Variants in ARID3A observed in about 807,000 individuals in gnomAD.
The protein encoded by ARID3A is AT-rich interactive domain-containing protein 3A.
ARID3A carries 11 observed loss-of-function variants against 52.7 expected under a neutral mutation model. That is an observed-to-expected ratio of 0.21 (90% CI 0.13 to 0.35). ARID3A has a LOEUF of 0.35. Among genes scored for constraint, ARID3A ranks in the 10% least tolerant of loss-of-function variants. The pLI, the probability that ARID3A is intolerant of heterozygous loss-of-function variation, is 1.00. For synonymous variants in ARID3A, 404 were observed against 359.4 expected, an observed-to-expected ratio of 1.12 and a Z score of -1.40; for missense variants, 721 against 838.5, an observed-to-expected ratio of 0.86 and a Z score of 1.73.
chr19:927,321 G>A lies in ARID3A; in HGVS notation c.-268+1262G>A, dbSNP rs530534115. The stretch of plus-strand genomic sequence containing the variant: ...CGAGGACAAAGGGCTCTTGGGGGGA[G>A]GGGTCTGAAGGGGGTGGGCGTAGCT... On this transcript the variant is annotated intron_variant, in intron 1 of 8. Transcript: ENST00000263620. Among the ~76,000 whole-genome samples, 623 of 148,902 alleles carry A rather than the reference G, an allele frequency of 4.2e-3. 3 individuals are homozygous for A. Among genetic ancestry groups the A allele is most frequent in the African/African-American group, 0.015 (594 of 40,204 alleles).
chr19:927,622 G>T (rs918034273), intron 1 of ARID3A, among the ~76,000 whole-genome samples: 2 of 151,594 alleles, frequency 1.3e-5, no homozygotes, highest in Non-Finnish European at 2.9e-5. Context: ...AGTTGTCCCA[G>T]GTGGGGGAGG....
At chr19:931,178 C>T (rs1000678922) in intron 2 of ARID3A, among the ~76,000 whole-genome samples, 1 of 152,072 alleles carries the variant, frequency 6.6e-6, no homozygotes, top group African/African-American at 2.4e-5. Context: ...TCTGTGGTCC[C>T]AGCTACTCGA....
At position 954,316 on chromosome 19, in the gene ARID3A, CGAT is replaced by C. The variant is rs375511259; in HGVS notation, c.694-5774_694-5772del. Among the ~76,000 whole-genome samples, 103 of 152,310 alleles carry C rather than the reference CGAT, an allele frequency of 6.8e-4. No individual in the cohort carries two copies. In the East Asian group the frequency reaches 0.01, roughly 15 times the overall value. Reference sequence around the variant, plus strand: ...AGCAGGTGGTGCTGGGAAGGGGAGACGATGGGCCCAGCCTTGGTAATTAGGGGT... The same window carrying C: ...AGCAGGTGGTGCTGGGAAGGGGAGACGGGCCCAGCCTTGGTAATTAGGGGT... On this transcript the variant is annotated intron_variant, in intron 3 of 8. Transcript: ENST00000263620.
At chr19:932,838 G>A (rs563681425) in intron 3 of ARID3A, 96 bp downstream of exon 3, 11 of 1,500,514 alleles carry the variant, frequency 7.3e-6, no homozygotes, top group East Asian at 5.2e-5. Flanking sequence ...GTGCTGAGCC[G>A]GGCGTCGAGT....
rs1010712432 is a variant in ARID3A at position 972,236 on chromosome 19, TATATATATATAC to T, written c.*173_*184del. ...AAAAGAAAAAAGATATATATATATA[TATATATATATAC>T]ACGTATATATATAAAGAGAATTTAA... On this transcript the variant is annotated 3_prime_UTR_variant, in exon 9 of 9. Coordinates refer to ENST00000263620, the MANE Select transcript of ARID3A (RefSeq NM_005224.3). The T allele has an allele frequency of 5.6e-5, 12 of 214,332 alleles. No homozygotes were observed. The highest frequency in any genetic ancestry group is 1.6e-3 in the Middle Eastern group (1 of 622). 13.3% of individuals were successfully genotyped at this position (214,332 alleles called of 1,614,324 possible). A position where few individuals can be genotyped will look rare whatever the true frequency, so the allele number is the denominator to read the frequency against.
At position 929,686 on chromosome 19, in the gene ARID3A, G is replaced by C; in HGVS notation, c.158G>C (p.Arg53Pro). Residue 53 changes from arginine to proline, a missense_variant, in exon 2 of 9, where the codon CGG (arginine) becomes CCG (proline). This residue lies in a region of ARID3A where 349 missense variants were observed against 297.3 expected (regional missense o/e 1.17). Transcript: ENST00000263620. This position sits in a 1 kb window ranked among gnomAD's most constrained non-coding sequence, Gnocchi z 6.2. ...PDEDREPESA[R>P]MQRAQMAALA... ...GAGGACAGAGAGCCCGAGAGTGCCC[G>C]GATGCAGCGGGCTCAGATGGCCGCA... 1.3e-6 allele frequency: 2 copies of C among 1,560,512 alleles called. No homozygotes were observed. Among genetic ancestry groups the C allele is most frequent in the Non-Finnish European group, 1.7e-6 (2 of 1,161,570 alleles).
At chr19:928,747 T>C (rs1242981714) in intron 1 of ARID3A, 2 of 152,086 alleles carry the variant, frequency 1.3e-5, no homozygotes, top group Non-Finnish European at 2.9e-5. Context: ...GAACCTGAGG[T>C]CCAGAGAAGT....
At position 932,638 on chromosome 19, in the gene ARID3A, C is replaced by A; in HGVS notation, c.589C>A (p.Arg197=). Residue 197 remains arginine, a synonymous_variant, in exon 3 of 9, where the codon CGG becomes AGG. Coordinates refer to ENST00000263620, the MANE Select transcript of ARID3A (RefSeq NM_005224.3). ...TCCCAGGGTGCTGGGGGGCCAGGAG[C>A]GGCCGGGGCCTGGCCCTGCCCACCC... ...GVPRVLGGQE[R]PGPGPAHPGG... 6.5e-7 allele frequency: 1 copy of A among 1,536,280 alleles called. No homozygotes were observed.
intron 3 of ARID3A, among the ~76,000 whole-genome samples, chr19:955,375 C>T (rs948914305): frequency 2.0e-5 from 3 of 152,212 alleles, no homozygotes; most frequent in Non-Finnish European, 4.4e-5. Flanking sequence ...CCTCCCCCGC[C>T]AGCAGCTGGG....
intron 3 of ARID3A, among the ~76,000 whole-genome samples, chr19:933,002 G>A (rs554603586): frequency 6.6e-5 from 10 of 152,278 alleles, no homozygotes; most frequent in East Asian, 5.8e-4. Context: ...CCCCCATATC[G>A]GAGGTGATGG....
chr19:945,955 G>A (rs2037670173), intron 3 of ARID3A, among the ~76,000 whole-genome samples: 1 of 152,200 alleles, frequency 6.6e-6, no homozygotes, highest in Non-Finnish European at 1.5e-5. Context: ...CGTCTGCAGG[G>A]AACCCCAGGA....
At chr19:930,275 G>C (rs1190229302) in intron 2 of ARID3A, among the ~76,000 whole-genome samples, 1 of 151,838 alleles carries the variant, frequency 6.6e-6, no homozygotes, top group African/African-American at 2.4e-5. Flanking sequence ...TTTTTAGCCG[G>C]GTGCTGTGGC....
intron 3 of ARID3A, among the ~76,000 whole-genome samples, chr19:956,940 C>A (rs2037930856): frequency 6.6e-6 from 1 of 152,200 alleles, no homozygotes; most frequent in Non-Finnish European, 1.5e-5. Context: ...CCAGCTGAGG[C>A]CTAATTGGTG....
chr19:974,167 CCT>C lies in ARID3A; in HGVS notation c.*2103_*2104del, dbSNP rs1032586810. ...GAGGGGGCTGGGGGGCTTCTGAGCC[CCT>C]GAGTCTAGGTTCACTTTCCCGTCGG... On this transcript the variant is annotated 3_prime_UTR_variant, in exon 9 of 9. Coordinates refer to ENST00000263620, the MANE Select transcript of ARID3A (RefSeq NM_005224.3). The C allele has an allele frequency of 4.5e-6, 1 of 223,878 alleles. No individual in the cohort carries two copies. Among genetic ancestry groups the C allele is most frequent in the Non-Finnish European group, 8.9e-6 (1 of 112,188 alleles). The allele number at this position is 223,878 out of a possible 1,614,324, so 13.9% of individuals were successfully genotyped here.
chr19:959,667 A>C lies in ARID3A; in HGVS notation c.694-425A>C, dbSNP rs1189129394. ...GTGGCTGTAAGGGAGTTAAGGATCGATTTGAGATGAGGTGGCCCTAAAACC... is the reference window on the plus strand; with the variant it reads ...GTGGCTGTAAGGGAGTTAAGGATCGCTTTGAGATGAGGTGGCCCTAAAACC... On this transcript the variant is annotated intron_variant, in intron 3 of 8. Transcript: ENST00000263620. The surrounding 1 kb of genome is among the most constrained non-coding windows in gnomAD (Gnocchi z 5.0). 6.6e-6 allele frequency among the ~76,000 whole-genome samples: 1 copy of C among 152,024 alleles called. No homozygotes were observed. Among genetic ancestry groups the C allele is most frequent in the Non-Finnish European group, 1.5e-5 (1 of 67,990 alleles).
chr19:964,574 T>C lies in ARID3A; in HGVS notation c.950+143T>C. The C allele has an allele frequency of 7.9e-7, 1 of 1,266,368 alleles. No homozygotes were observed. Among genetic ancestry groups the C allele is most frequent in the Non-Finnish European group, 1.1e-6 (1 of 938,734 alleles). The allele number at this position is 1,266,368 out of a possible 1,614,324, so 78.4% of individuals were successfully genotyped here. ...CCGCAAAGGGCACAGGGCCACACCG[T>C]GCGTCCAGGGCCCGAGAGCGTCAAG... On this transcript the variant is annotated intron_variant, in intron 5 of 8. Transcript: ENST00000263620. The surrounding 1 kb of genome is among the most constrained non-coding windows in gnomAD (Gnocchi z 5.7).
Position 973,086 on chromosome 19 carries a change from C to T in ARID3A, c.*1021C>T, listed in dbSNP as rs983205542. 6 of 81,146 alleles carry T rather than the reference C, an allele frequency of 7.4e-5. No homozygotes were observed. The highest frequency in any genetic ancestry group is 6.8e-3 in the Middle Eastern group (1 of 146). The allele number at this position is 81,146 out of a possible 1,614,324, so 5.0% of individuals were successfully genotyped here. Reference sequence around the variant, plus strand: ...GTGCCGTGCTTGTCTGCTGGGCTCTCGAGTCAGGGGCCTGGAAATTTTTTT... The same window carrying T: ...GTGCCGTGCTTGTCTGCTGGGCTCTTGAGTCAGGGGCCTGGAAATTTTTTT... On this transcript the variant is annotated 3_prime_UTR_variant, in exon 9 of 9. Transcript: ENST00000263620.
rs560998455 is a variant in ARID3A at position 948,845 on chromosome 19, G to A, written c.694-11247G>A. On this transcript the variant is annotated intron_variant, in intron 3 of 8. Coordinates refer to ENST00000263620, the MANE Select transcript of ARID3A (RefSeq NM_005224.3). Reference sequence around the variant, plus strand: ...CTGCCTCAGCCTCCCGAGTAGCTGGGACTACAGGCGTGCGCCACCACGCCC... The same window carrying A: ...CTGCCTCAGCCTCCCGAGTAGCTGGAACTACAGGCGTGCGCCACCACGCCC... Among the ~76,000 whole-genome samples, 21 of 152,028 alleles carry A rather than the reference G, an allele frequency of 1.4e-4. 1 individual carries two copies. In the South Asian group the frequency reaches 4.4e-3, roughly 32 times the overall value.
Position 972,725 on chromosome 19 carries a change from GATATCTAT to G in ARID3A, c.*672_*679del, listed in dbSNP as rs1006126875. On this transcript the variant is annotated 3_prime_UTR_variant, in exon 9 of 9. Coordinates refer to ENST00000263620, the MANE Select transcript of ARID3A (RefSeq NM_005224.3). ...TGGGGGGATCAAACCTTAGGAAAAG[GATATCTAT>G]ATATCTATATAGCTATATATTTGTG... is the stretch of plus-strand genomic sequence containing the variant. The G allele has an allele frequency of 1.2e-5, 2 of 168,334 alleles. No homozygotes were observed. The highest frequency in any genetic ancestry group is 2.7e-5 in the African/African-American group (1 of 36,424). 10.4% of individuals were successfully genotyped at this position (168,334 alleles called of 1,614,324 possible). A position where few individuals can be genotyped will look rare whatever the true frequency, so the allele number is the denominator to read the frequency against.
Sources: gnomAD v4.1 joint callset for allele counts (sites outside exome capture counted in the v4.1 genomes callset) on GRCh38, gnomAD v4.1.1 for gene constraint, gnomAD v4.1.1 regional missense constraint, Gnocchi (gnomAD v3.1) non-coding constraint, MANE v1.5 for transcripts, NCBI Gene and HGNC (gene_info 2026-07-23, HGNC 2026-07-21) for gene names.